Variants in CNTN5 observed in about 807,000 individuals in gnomAD.
The protein encoded by CNTN5 is contactin-5.
Under a neutral mutation model 129.1 loss-of-function variants are expected in CNTN5, and 77 were observed. The ratio of observed to expected loss-of-function variants is 0.60; its 90% CI spans 0.50 to 0.72. The LOEUF is 0.72. Ranked by LOEUF, CNTN5 falls within the 30% of genes least tolerant of loss-of-function variation. The pLI, the probability that CNTN5 is intolerant of heterozygous loss-of-function variation, is 0.00. For missense variants in CNTN5, 1,478 were observed against 1,328.8 expected (o/e 1.11, Z -1.75); for synonymous variants, 509 against 465.6 (o/e 1.09, Z -1.20).
intron 3 of CNTN5, among the ~76,000 whole-genome samples, chr11:99,813,355 G>A (rs992205021): frequency 6.6e-5 from 10 of 152,056 alleles, no homozygotes; most frequent in Admixed American, 2.6e-4. Flanking sequence ...AGCTCTTGGG[G>A]TGATGAATAA....
chr11:99,607,956 CG>C lies in CNTN5; in HGVS notation c.55+51692del, dbSNP rs956650995. Among the ~76,000 whole-genome samples the C allele has an allele frequency of 3.0e-5, 3 of 98,814 alleles. No individual in the cohort carries two copies. The Admixed American group carries it at 3.6e-4, about 12-fold the overall frequency. The allele number at this position is 98,814 out of a possible 152,430, so 64.8% of individuals were successfully genotyped here. On this transcript the variant is annotated intron_variant, in intron 3 of 24. Transcript: ENST00000524871. ...CACACTCTGGGGACTGTGGTGGGGT[CG>C]GGGGAGGGGGGAGGGATAGCATTGG... is the stretch of plus-strand genomic sequence containing the variant.
At chr11:99,751,741 G>A (rs1171809353) in intron 3 of CNTN5, among the ~76,000 whole-genome samples, 4 of 152,150 alleles carry the variant, frequency 2.6e-5, no homozygotes, top group Admixed American at 6.5e-5. Flanking sequence ...GTTGTCATAG[G>A]CTATAGTTTG....
intron 2 of CNTN5, among the ~76,000 whole-genome samples, chr11:99,418,134 A>G (rs1942740848): frequency 6.6e-6 from 1 of 152,156 alleles, no homozygotes; most frequent in Admixed American, 6.6e-5. Context: ...ATCCAAGATT[A>G]CACTTGCAAT....
chr11:99,425,544 G>A (rs1007124765), intron 2 of CNTN5, among the ~76,000 whole-genome samples: 1 of 152,232 alleles, frequency 6.6e-6, no homozygotes, highest in African/African-American at 2.4e-5. Flanking sequence ...TGGCATAACA[G>A]CACCACCCCA....
chr11:99,092,602 T>A (rs1337138995), intron 1 of CNTN5, among the ~76,000 whole-genome samples: 1 of 152,118 alleles, frequency 6.6e-6, no homozygotes, highest in Non-Finnish European at 1.5e-5. Flanking sequence ...TCAATTTTAA[T>A]ATCCATTAAC....
intron 3 of CNTN5, among the ~76,000 whole-genome samples, chr11:99,778,653 T>C (rs1945207344): frequency 6.6e-6 from 1 of 151,714 alleles, no homozygotes; most frequent in Non-Finnish European, 1.5e-5. Context: ...AAAGCCCTAA[T>C]TGAGAAAGCA....
intron 8 of CNTN5, among the ~76,000 whole-genome samples, chr11:99,998,043 A>G (rs1051290182): frequency 1.3e-5 from 2 of 152,154 alleles, no homozygotes; most frequent in East Asian, 3.9e-4. Context: ...CCCACAGCCA[A>G]TATCATACTG....
At chr11:99,872,088 A>G (rs1224418203) in intron 6 of CNTN5, among the ~76,000 whole-genome samples, 1 of 152,006 alleles carries the variant, frequency 6.6e-6, no homozygotes, top group African/African-American at 2.4e-5. Flanking sequence ...TTTATTGACC[A>G]TTGCCTGTCA....
chr11:99,558,258 C>T (rs1328164835), intron 3 of CNTN5: 2 of 404,988 alleles, frequency 4.9e-6, no homozygotes, highest in South Asian at 3.6e-5. Context: ...CTTTTATCTT[C>T]TCAATGTCAT....
At chr11:99,384,436 G>A (rs1260871941) in intron 2 of CNTN5, among the ~76,000 whole-genome samples, 1 of 152,150 alleles carries the variant, frequency 6.6e-6, no homozygotes, top group African/African-American at 2.4e-5. Flanking sequence ...ATATTTGATT[G>A]CCAAAATGGG....
intron 16 of CNTN5, among the ~76,000 whole-genome samples, chr11:100,239,639 T>C (rs1949694566): frequency 6.6e-6 from 1 of 152,116 alleles, no homozygotes; most frequent in Non-Finnish European, 1.5e-5. Flanking sequence ...TTGAAAATAA[T>C]TGCAAAGTAG....
chr11:99,610,293 A>G (rs1371414987), intron 3 of CNTN5, among the ~76,000 whole-genome samples: 1 of 152,138 alleles, frequency 6.6e-6, no homozygotes, highest in Non-Finnish European at 1.5e-5. Flanking sequence ...CACTGATGTA[A>G]TGGCCTATTT....
At chr11:99,236,470 ACACAC>A (rs1565426480) in intron 1 of CNTN5, among the ~76,000 whole-genome samples, 61 of 3,182 alleles carry the variant, frequency 0.019, 3 homozygotes, top group African/African-American at 0.029. Flanking sequence ...TCACACACAA[ACACAC>A]ACACACACAC....
intron 22 of CNTN5, 42 bp from the exon 23 acceptor site, chr11:100,341,051 T>C: frequency 7.5e-7 from 1 of 1,332,430 alleles, no homozygotes; most frequent in East Asian, 2.3e-5. Context: ...AGAAATGTAT[T>C]TAAGAATCCT....
chr11:99,235,186 G>A (rs998630461), intron 1 of CNTN5, among the ~76,000 whole-genome samples: 3 of 151,762 alleles, frequency 2.0e-5, no homozygotes, highest in African/African-American at 7.3e-5. Flanking sequence ...TTGGGGAGTG[G>A]GGGAGATTAG....
chr11:99,927,955 T>TA (rs1430127489), intron 7 of CNTN5, among the ~76,000 whole-genome samples: 1 of 152,152 alleles, frequency 6.6e-6, no homozygotes, highest in Non-Finnish European at 1.5e-5. Context: ...AAAAGCAAGT[T>TA]AGTTACTTCC....
At chr11:100,086,820 T>C (rs1299610398) in intron 13 of CNTN5, among the ~76,000 whole-genome samples, 2 of 151,390 alleles carry the variant, frequency 1.3e-5, no homozygotes, top group African/African-American at 4.8e-5. Flanking sequence ...ATAAAAATAG[T>C]ATAAAATTTC....
chr11:99,987,153 T>C (rs1591528280), intron 8 of CNTN5, among the ~76,000 whole-genome samples: 1 of 152,220 alleles, frequency 6.6e-6, no homozygotes, highest in African/African-American at 2.4e-5. Flanking sequence ...CACCCACATA[T>C]ATAGTTGATA....
intron 2 of CNTN5, among the ~76,000 whole-genome samples, chr11:99,529,094 C>G (rs1291617818): frequency 6.7e-6 from 1 of 149,464 alleles, no homozygotes; most frequent in East Asian, 1.9e-4. Context: ...AACAAACAAA[C>G]AAAACCACAA....
Sources: allele counts gnomAD v4.1 joint callset (sites outside exome capture counted in the v4.1 genomes callset), GRCh38; gene constraint gnomAD v4.1.1; transcripts MANE v1.5; gene names NCBI Gene and HGNC (gene_info 2026-07-23, HGNC 2026-07-21).